Variants in GALNT10 observed in about 807,000 individuals in gnomAD.
GALNT10 encodes the protein polypeptide N-acetylgalactosaminyltransferase 10, also known as GalNAc transferase 10.
Under a neutral mutation model 75.0 loss-of-function variants are expected in GALNT10, and 41 were observed. The ratio of observed to expected loss-of-function variants is 0.55; its 90% CI spans 0.43 to 0.71. The LOEUF is 0.71. Ranked by LOEUF, GALNT10 falls within the 30% of genes least tolerant of loss-of-function variation. The probability of loss-of-function intolerance (pLI) is 0.00; values close to 1 mark genes in which losing one functional copy is unlikely to be tolerated. For synonymous variants in GALNT10, 302 were observed against 313.0 expected, an observed-to-expected ratio of 0.96 and a Z score of 0.37; for missense variants, 727 against 818.5, an observed-to-expected ratio of 0.89 and a Z score of 1.36.
chr5:154,199,363 C>T (rs2113640896), intron 1 of GALNT10, among the ~76,000 whole-genome samples: 1 of 152,260 alleles, frequency 6.6e-6, no homozygotes, highest in Middle Eastern at 3.4e-3. Flanking sequence ...ACTCCATTCT[C>T]CCCAGGAGTG....
intron 1 of GALNT10, among the ~76,000 whole-genome samples, chr5:154,201,102 G>A (rs1775020840): frequency 6.6e-6 from 1 of 152,132 alleles, no homozygotes; most frequent in Admixed American, 6.5e-5. Flanking sequence ...TAGCTCTCCA[G>A]TTGGCCACCA....
intron 1 of GALNT10, among the ~76,000 whole-genome samples, chr5:154,249,454 G>A (rs1753481005): frequency 1.3e-5 from 2 of 152,050 alleles, no homozygotes; most frequent in African/African-American, 4.8e-5. Context: ...AAGCAAAATG[G>A]GTGGCACTTT....
intron 4 of GALNT10, among the ~76,000 whole-genome samples, chr5:154,336,230 A>C (rs1458937957): frequency 6.6e-6 from 1 of 152,130 alleles, no homozygotes; most frequent in Non-Finnish European, 1.5e-5. Context: ...TTATCCATTC[A>C]CCTACTGAAG....
intron 4 of GALNT10, among the ~76,000 whole-genome samples, chr5:154,339,614 TCA>T (rs1754999167): frequency 6.6e-6 from 1 of 151,842 alleles, no homozygotes; most frequent in African/African-American, 2.4e-5. Flanking sequence ...ATCTGAAGAA[TCA>T]AAAGCTCCAA....
intron 1 of GALNT10, among the ~76,000 whole-genome samples, chr5:154,235,310 TA>T (rs1753228326): frequency 6.6e-6 from 1 of 152,144 alleles, no homozygotes; most frequent in African/African-American, 2.4e-5. Flanking sequence ...ACCAATGGGG[TA>T]CCAGCCACAG....
intron 8 of GALNT10, among the ~76,000 whole-genome samples, chr5:154,406,472 C>A (rs1756283775): frequency 1.3e-5 from 2 of 152,234 alleles, no homozygotes; most frequent in Admixed American, 6.5e-5. Context: ...TGACTAACAA[C>A]CCTCAATTAC....
Position 154,409,841 on chromosome 5 carries a change from A to G in GALNT10, c.1386+79A>G. Reference sequence around the variant, plus strand: ...AATGCAGATCCCATGTTCAAAAGGTAGAAAGTCAGTGCAGGGAGGAAAGGC... The same window carrying G: ...AATGCAGATCCCATGTTCAAAAGGTGGAAAGTCAGTGCAGGGAGGAAAGGC... On this transcript the variant is annotated intron_variant, in intron 9 of 11. Coordinates refer to ENST00000297107, the MANE Select transcript of GALNT10 (RefSeq NM_198321.4). This position sits in a 1 kb window ranked among gnomAD's most constrained non-coding sequence, Gnocchi z 4.5. The G allele has an allele frequency of 2.1e-6, 2 of 968,722 alleles. No homozygotes were observed. The highest frequency in any genetic ancestry group is 3.3e-6 in the Non-Finnish European group (2 of 599,908). 60.0% of individuals were successfully genotyped at this position (968,722 alleles called of 1,614,324 possible). A position where few individuals can be genotyped will look rare whatever the true frequency, so the allele number is the denominator to read the frequency against.
intron 1 of GALNT10, among the ~76,000 whole-genome samples, chr5:154,225,078 G>C (rs1234008103): frequency 6.6e-6 from 1 of 151,162 alleles, no homozygotes; most frequent in Non-Finnish European, 1.5e-5. Context: ...CACCACACCT[G>C]GCCTTTTTGG....
chr5:154,280,435 A>G (rs1167915522), intron 1 of GALNT10, among the ~76,000 whole-genome samples: 1 of 152,204 alleles, frequency 6.6e-6, no homozygotes, highest in African/African-American at 2.4e-5. Flanking sequence ...CAAAGAAGTG[A>G]TCAAGGTTTG....
At position 154,376,273 on chromosome 5, in the gene GALNT10, A is replaced by C; in HGVS notation, c.569-4A>C. On this transcript the variant is annotated splice_region_variant and splice_polypyrimidine_tract_variant and intron_variant, in intron 4 of 11. Transcript: ENST00000297107. The surrounding 1 kb of genome is among the most constrained non-coding windows in gnomAD (Gnocchi z 4.1). The stretch of plus-strand genomic sequence containing the variant: ...TCACTCTTCTGTCCTCTTCTGTCTC[A>C]TAGAGCACCTGAAGAAGCCTCTTGA... 1 of 1,597,252 alleles carries C rather than the reference A, an allele frequency of 6.3e-7. No individual in the cohort carries two copies. The highest frequency in any genetic ancestry group is 8.6e-7 in the Non-Finnish European group (1 of 1,166,098).
intron 3 of GALNT10, among the ~76,000 whole-genome samples, chr5:154,316,073 G>T (rs1335804737): frequency 6.6e-6 from 1 of 152,160 alleles, no homozygotes; most frequent in East Asian, 1.9e-4. Context: ...CATATTTAGG[G>T]CATCCACATT....
chr5:154,415,036 T>C (rs1053600910), intron 10 of GALNT10, among the ~76,000 whole-genome samples: 4 of 152,108 alleles, frequency 2.6e-5, no homozygotes, highest in African/African-American at 7.2e-5. Context: ...GGCAGGAGAA[T>C]TGGTTGAACC....
intron 1 of GALNT10, among the ~76,000 whole-genome samples, chr5:154,215,917 A>G (rs1414649248): frequency 6.6e-6 from 1 of 152,170 alleles, no homozygotes; most frequent in Non-Finnish European, 1.5e-5. Flanking sequence ...TCTGTTTTTT[A>G]GCTGGTGGTT....
chr5:154,371,548 G>A (rs1755566038), intron 4 of GALNT10, among the ~76,000 whole-genome samples: 1 of 54,420 alleles, frequency 1.8e-5, no homozygotes, highest in East Asian at 3.6e-4. Context: ...GTGTGTGTGT[G>A]TGTGTGTGTG....
At chr5:154,339,114 T>A (rs1345344017) in intron 4 of GALNT10, among the ~76,000 whole-genome samples, 3 of 152,246 alleles carry the variant, frequency 2.0e-5, no homozygotes, top group African/African-American at 7.2e-5. Flanking sequence ...ATGATGAAGC[T>A]GAGGCTTGGA....
intron 4 of GALNT10, among the ~76,000 whole-genome samples, chr5:154,353,744 C>G (rs1755246682): frequency 6.6e-6 from 1 of 152,208 alleles, no homozygotes; most frequent in Non-Finnish European, 1.5e-5. Flanking sequence ...TTCATTCCCT[C>G]TCACTTTTCC....
Position 154,298,004 on chromosome 5 carries a change from G to A in GALNT10, c.326G>A (p.Arg109Gln), listed in dbSNP as rs765038396. 17 of 1,613,016 alleles carry A rather than the reference G, an allele frequency of 1.1e-5. No individual in the cohort carries two copies. Among genetic ancestry groups the A allele is most frequent in the East Asian group, 2.2e-5 (1 of 44,888 alleles). The change falls in exon 3 of 12, where the codon CGA becomes CAA. Residue 109 changes from arginine (R) to glutamine (Q), a missense_variant. Physicochemically the swap from Arg to Gln is conservative, Grantham distance 43. Coordinates refer to ENST00000297107, the MANE Select transcript of GALNT10 (RefSeq NM_198321.4). This position sits in a 1 kb window ranked among gnomAD's most constrained non-coding sequence, Gnocchi z 4.1. Reference protein sequence around the residue: ...TDAERVDQAYRENGFNIYVSD... With the variant: ...TDAERVDQAYQENGFNIYVSD... The stretch of plus-strand genomic sequence containing the variant: ...GCTGAGAGAGTGGATCAGGCATACC[G>A]AGAAAATGGATTTAACATCTACGTC...
At chr5:154,225,557 AT>A (rs1346110287) in intron 1 of GALNT10, among the ~76,000 whole-genome samples, 28 of 147,788 alleles carry the variant, frequency 1.9e-4, no homozygotes, top group South Asian at 4.3e-4. Context: ...CACTTGGCTA[AT>A]TTTTTTTTTT....
At chr5:154,222,391 T>C (rs2113656464) in intron 1 of GALNT10, among the ~76,000 whole-genome samples, 1 of 152,364 alleles carries the variant, frequency 6.6e-6, no homozygotes, top group South Asian at 2.1e-4. Context: ...GGATTGTTTC[T>C]AGCTTTGGGT....
Sources: allele counts gnomAD v4.1 joint callset (sites outside exome capture counted in the v4.1 genomes callset), GRCh38; gene constraint gnomAD v4.1.1; non-coding constraint Gnocchi (gnomAD v3.1); transcripts MANE v1.5; gene names NCBI Gene and HGNC (gene_info 2026-07-23, HGNC 2026-07-21).